The following AACS variants were observed in gnomAD, a reference collection of about 807,000 sequenced individuals.
AACS encodes the protein acetoacetate-CoA ligase.
AACS carries 69 observed loss-of-function variants against 83.1 expected under a neutral mutation model. The observed-to-expected ratio is 0.83, with a 90% confidence interval of 0.68 to 1.01. The LOEUF (loss-of-function observed/expected upper bound fraction) is 1.01. AACS is among the 50% of genes least tolerant of loss of function. AACS has a pLI of 0.00. For missense variants in AACS, 866 were observed against 882.2 expected (o/e 0.98, Z 0.23); for synonymous variants, 333 against 343.4 (o/e 0.97, Z 0.33).
intron 5 of AACS, among the ~76,000 whole-genome samples, chr12:125,096,675 G>A (rs117001868): frequency 0.018 from 2,696 of 152,300 alleles, 39 homozygotes; most frequent in Non-Finnish European, 0.031. Context: ...CATAGAGAGC[G>A]TCAGAAGTAA....
In AACS at chr12:125,066,157, C is replaced by G. The variant is rs543890470; in HGVS notation, c.133+440C>G. Among the ~76,000 whole-genome samples, 7 of 152,276 alleles carry G rather than the reference C, an allele frequency of 4.6e-5. No individual in the cohort carries two copies. In the South Asian group the frequency reaches 1.5e-3, roughly 32 times the overall value. On this transcript the variant is annotated intron_variant, in intron 1 of 17. Transcript: ENST00000316519. ...GTCCCCAGTGCCGTGCACTCTGTCC[C>G]CCTGACCTCCCTCATCTCCAGCTGC...
intron 5 of AACS, among the ~76,000 whole-genome samples, chr12:125,098,303 A>G (rs1479906066): frequency 6.6e-6 from 1 of 151,984 alleles, no homozygotes; most frequent in East Asian, 1.9e-4. Context: ...GGTGGCACAC[A>G]GCCTGATCCT....
intron 3 of AACS, among the ~76,000 whole-genome samples, chr12:125,082,698 G>A (rs1956223076): frequency 1.3e-5 from 2 of 152,114 alleles, no homozygotes; most frequent in South Asian, 4.1e-4. Flanking sequence ...GCGGGTGCCT[G>A]TAGTACCAGC....
intron 10 of AACS, chr12:125,120,234 A>G (rs926467281): frequency 6.6e-6 from 1 of 152,152 alleles, no homozygotes; most frequent in Non-Finnish European, 1.5e-5. Flanking sequence ...ATTAATCACA[A>G]CTGGCTGGCG....
chr12:125,134,107 G>A (rs1957366351), intron 15 of AACS, 35 bp downstream of exon 15: 1 of 1,606,510 alleles, frequency 6.2e-7, no homozygotes, highest in South Asian at 1.1e-5. Context: ...CTTTCCTGGA[G>A]CCCCACCTTC....
chr12:125,103,977 A>T (rs1956775296), intron 7 of AACS, among the ~76,000 whole-genome samples: 1 of 100,002 alleles, frequency 1.0e-5, no homozygotes, highest in African/African-American at 3.3e-5. Context: ...AAAAAAGCGA[A>T]ACTCCGTCTC....
intron 10 of AACS, chr12:125,120,987 ATG>A (rs1297321888): frequency 3.3e-5 from 5 of 152,246 alleles, no homozygotes; most frequent in Non-Finnish European, 7.3e-5. Context: ...TGCCTTGTGT[ATG>A]TGTGCATGTA....
At chr12:125,116,244 G>A (rs1353824893) in intron 9 of AACS, among the ~76,000 whole-genome samples, 2 of 152,122 alleles carry the variant, frequency 1.3e-5, no homozygotes, top group Non-Finnish European at 2.9e-5. Flanking sequence ...CAGCAGCTAC[G>A]ATGATGCAGG....
chr12:125,114,326 ACCCTC>A, intron 8 of AACS, 146 bp from the exon 9 acceptor site: 1 of 585,140 alleles, frequency 1.7e-6, no homozygotes, highest in South Asian at 2.1e-5. Context: ...AGTGGGGGGA[ACCCTC>A]CAAAGTCTGC....
rs571136438 is a variant in AACS at position 125,132,266 on chromosome 12, C to T, written c.1550-1737C>T. On this transcript the variant is annotated intron_variant, in intron 14 of 17. Transcript: ENST00000316519. ...GGGGAAGTTTTCACAAAAAACATTT[C>T]TTCAGAGTGGATTTACATCCTCCTT... is the stretch of plus-strand genomic sequence containing the variant. Among the ~76,000 whole-genome samples the T allele has an allele frequency of 8.5e-5, 13 of 152,342 alleles. No homozygotes were observed. In the East Asian group the frequency reaches 2.5e-3, roughly 29 times the overall value.
At chr12:125,072,390 C>G (rs1196440955) in intron 1 of AACS, among the ~76,000 whole-genome samples, 1 of 152,194 alleles carries the variant, frequency 6.6e-6, no homozygotes, top group Non-Finnish European at 1.5e-5. Context: ...CTCTTCTTGT[C>G]TTCCCCACCG....
At position 125,128,150 on chromosome 12, in the gene AACS, A is replaced by T. The variant is rs773119842; in HGVS notation, c.1310-11A>T. On this transcript the variant is annotated splice_polypyrimidine_tract_variant and intron_variant, in intron 12 of 17. Coordinates refer to ENST00000316519, the MANE Select transcript of AACS (RefSeq NM_023928.5). ...TCTAAATTTTGAGTCTCCCTTTGCC[A>T]TTGCTTGCAGGAGGCACCGACATCA... 1 of 1,601,208 alleles carries T rather than the reference A, an allele frequency of 6.2e-7. No homozygotes were observed. Among genetic ancestry groups the T allele is most frequent in the South Asian group, 1.1e-5 (1 of 89,568 alleles).
chr12:125,086,132 G>A (rs1175661435), intron 3 of AACS, among the ~76,000 whole-genome samples, 198 bp from the exon 4 acceptor site: 3 of 152,316 alleles, frequency 2.0e-5, no homozygotes, highest in East Asian at 3.9e-4. Context: ...TAGTGTATAT[G>A]TTCGGCTGAC....
intron 5 of AACS, among the ~76,000 whole-genome samples, chr12:125,092,127 G>A (rs1383951506): frequency 1.9e-4 from 29 of 152,136 alleles, no homozygotes; most frequent in Admixed American, 1.9e-3. Flanking sequence ...GGCAAATGAA[G>A]CAGCCGCAGA....
In AACS at chr12:125,130,511, T is replaced by G. The variant is rs1957315775; in HGVS notation, c.1549+1051T>G. Reference sequence around the variant, plus strand: ...GGCCAAAAGGATTAGAATCTCAGCTTGAGGATCCATCCAAGAAATGATGGC... The same window carrying G: ...GGCCAAAAGGATTAGAATCTCAGCTGGAGGATCCATCCAAGAAATGATGGC... On this transcript the variant is annotated intron_variant, in intron 14 of 17. Transcript: ENST00000316519. The surrounding 1 kb of genome is among the most constrained non-coding windows in gnomAD (Gnocchi z 4.9). Among the ~76,000 whole-genome samples the G allele has an allele frequency of 6.6e-6, 1 of 152,250 alleles. No homozygotes were observed. The highest frequency in any genetic ancestry group is 1.5e-5 in the Non-Finnish European group (1 of 68,036).
Position 125,114,650 on chromosome 12 carries a change from C to T in AACS, c.996+93C>T, listed in dbSNP as rs148351576. 9.9e-5 allele frequency: 112 copies of T among 1,130,510 alleles called. 1 individual carries two copies. Among genetic ancestry groups the T allele is most frequent in the Admixed American group, 4.0e-4 (16 of 39,576 alleles). The allele number at this position is 1,130,510 out of a possible 1,614,324, so 70.0% of individuals were successfully genotyped here. A position where few individuals can be genotyped will look rare whatever the true frequency, so the allele number is the denominator to read the frequency against. The stretch of plus-strand genomic sequence containing the variant: ...GACACATAGTAAGGACTTCCCCAGG[C>T]GCCGGCCCGTGGCACATGGTAAGGG... On this transcript the variant is annotated intron_variant, in intron 9 of 17. Coordinates refer to ENST00000316519, the MANE Select transcript of AACS (RefSeq NM_023928.5).
At chr12:125,119,346 C>A (rs914575864) in intron 10 of AACS, among the ~76,000 whole-genome samples, 1 of 152,154 alleles carries the variant, frequency 6.6e-6, no homozygotes, top group Non-Finnish European at 1.5e-5. Flanking sequence ...GGAGGAAAAC[C>A]GAGGGTCGCC....
In AACS at chr12:125,114,351, G is replaced by A; in HGVS notation, c.916-126G>A. The A allele has an allele frequency of 1.3e-5, 9 of 698,686 alleles. 1 individual carries two copies. The South Asian group carries it at 1.8e-4, about 14-fold the overall frequency. 43.3% of individuals were successfully genotyped at this position (698,686 alleles called of 1,614,324 possible). On this transcript the variant is annotated intron_variant, in intron 8 of 17. Coordinates refer to ENST00000316519, the MANE Select transcript of AACS (RefSeq NM_023928.5). ...ACCCTCCAAAGTCTGCTTCTCCCAG[G>A]AAAGAAAATGGGGATCTGCTGGGGC...
rs1957101748 is a variant in AACS at position 125,118,687 on chromosome 12, G to C, written c.1043G>C (p.Gly348Ala). The stretch of plus-strand genomic sequence containing the variant: ...TGGATGGTGTCCCTTCTGGCCACAG[G>C]AGCGGCCATGGTCTTGTACGATGGC... The part of the protein sequence containing the change: ...WNWMVSLLAT[G>A]AAMVLYDGSP... Residue 348 changes from glycine to alanine, a missense_variant, in exon 10 of 18, where the codon GGA (glycine) becomes GCA (alanine). Coordinates refer to ENST00000316519, the MANE Select transcript of AACS (RefSeq NM_023928.5). 1 of 1,614,024 alleles carries C rather than the reference G, an allele frequency of 6.2e-7. No individual in the cohort carries two copies. The highest frequency in any genetic ancestry group is 1.3e-5 in the African/African-American group (1 of 74,950).
Sources: gnomAD v4.1 joint callset for allele counts (sites outside exome capture counted in the v4.1 genomes callset) on GRCh38, gnomAD v4.1.1 for gene constraint, Gnocchi (gnomAD v3.1) non-coding constraint, MANE v1.5 for transcripts, NCBI Gene and HGNC (gene_info 2026-07-23, HGNC 2026-07-21) for gene names.